The following TANC2 variants were observed in gnomAD, a reference collection of about 807,000 sequenced individuals.
TANC2 encodes the protein protein TANC2.
Under a neutral mutation model 210.5 loss-of-function variants are expected in TANC2, and 26 were observed. The ratio of observed to expected loss-of-function variants is 0.12; its 90% CI spans 0.09 to 0.17. The LOEUF (loss-of-function observed/expected upper bound fraction) is 0.17, where lower values mean the gene tolerates loss of function less well. TANC2 is among the 10% of genes least tolerant of loss of function. The probability of loss-of-function intolerance (pLI) is 1.00; values close to 1 mark genes in which losing one functional copy is unlikely to be tolerated. For synonymous variants in TANC2, 931 were observed against 967.1 expected (o/e 0.96, Z 0.69); for missense variants, 2,129 against 2,608.9 (o/e 0.82, Z 4.01).
intron 2 of TANC2, among the ~76,000 whole-genome samples, chr17:63,020,719 A>G (rs2034311255): frequency 6.6e-6 from 1 of 152,218 alleles, no homozygotes; most frequent in Non-Finnish European, 1.5e-5. Context: ...GTATTAGTCC[A>G]TTTTGTATTG....
intron 9 of TANC2, among the ~76,000 whole-genome samples, chr17:63,293,568 A>G (rs1281158140): frequency 6.6e-6 from 1 of 152,178 alleles, no homozygotes; most frequent in Admixed American, 6.5e-5. Context: ...TTCCATGAAT[A>G]AATATGCATT....
chr17:63,133,364 C>G (rs1347786989), intron 4 of TANC2, among the ~76,000 whole-genome samples: 2 of 152,234 alleles, frequency 1.3e-5, no homozygotes, highest in African/African-American at 4.8e-5. Flanking sequence ...CTCTGCCTCC[C>G]ACAGTGCTGG....
At chr17:63,344,907 C>T (rs988748790) in intron 12 of TANC2, among the ~76,000 whole-genome samples, 1 of 152,180 alleles carries the variant, frequency 6.6e-6, no homozygotes, top group Admixed American at 6.5e-5. Flanking sequence ...CACCAAACCA[C>T]TTGCTTTGGG....
intron 4 of TANC2, chr17:63,149,104 T>C (rs2039559371): frequency 6.6e-6 from 1 of 152,144 alleles, no homozygotes; most frequent in South Asian, 2.1e-4. Context: ...AGTTGGAATT[T>C]CCTGAGAAGG....
chr17:63,017,767 C>A (rs953931722), intron 2 of TANC2, among the ~76,000 whole-genome samples: 4 of 152,136 alleles, frequency 2.6e-5, no homozygotes, highest in African/African-American at 9.7e-5. Context: ...TACTAAACCT[C>A]AAATTGGTTA....
intron 5 of TANC2, among the ~76,000 whole-genome samples, chr17:63,159,618 T>C (rs1370297868): frequency 6.6e-6 from 1 of 152,302 alleles, no homozygotes; most frequent in Non-Finnish European, 1.5e-5. Context: ...TAAAAACTAA[T>C]ACAAACAATA....
At chr17:63,189,046 T>C (rs1038517552) in intron 5 of TANC2, among the ~76,000 whole-genome samples, 1 of 152,214 alleles carries the variant, frequency 6.6e-6, no homozygotes, top group Non-Finnish European at 1.5e-5. Context: ...TAGTCTTTTG[T>C]GTCTGATTTT....
intron 5 of TANC2, among the ~76,000 whole-genome samples, chr17:63,171,092 T>C (rs2040390633): frequency 6.9e-6 from 1 of 144,096 alleles, no homozygotes; most frequent in East Asian, 2.0e-4. Flanking sequence ...TTTTTTTTTT[T>C]TTTTTTTTTT....
chr17:63,216,196 G>C (rs143687524), intron 7 of TANC2, among the ~76,000 whole-genome samples: 1 of 152,004 alleles, frequency 6.6e-6, no homozygotes, highest in African/African-American at 2.4e-5. Context: ...TCACAGGCAC[G>C]TGCCATAACA....
intron 6 of TANC2, among the ~76,000 whole-genome samples, chr17:63,194,841 T>C (rs2041291432): frequency 6.6e-6 from 1 of 150,996 alleles, no homozygotes; most frequent in African/African-American, 2.5e-5. Flanking sequence ...AAAAAATATT[T>C]TATAGTTTTC....
At chr17:63,041,337 G>C (rs2035178459) in intron 2 of TANC2, among the ~76,000 whole-genome samples, 1 of 152,168 alleles carries the variant, frequency 6.6e-6, no homozygotes, top group East Asian at 1.9e-4. Flanking sequence ...ATGTTTCATG[G>C]ATCTAAAATG....
At chr17:63,240,097 T>C (rs2042733715) in intron 8 of TANC2, among the ~76,000 whole-genome samples, 2 of 152,216 alleles carry the variant, frequency 1.3e-5, no homozygotes, top group South Asian at 4.1e-4. Context: ...AACTGTACAT[T>C]ATGAAAAGTT....
chr17:63,369,472 C>T (rs2047200920), intron 14 of TANC2, among the ~76,000 whole-genome samples: 1 of 151,792 alleles, frequency 6.6e-6, no homozygotes, highest in Non-Finnish European at 1.5e-5. Context: ...ATTACTGTCA[C>T]GGGACACAAG....
At chr17:63,037,634 T>G (rs2035025100) in intron 2 of TANC2, among the ~76,000 whole-genome samples, 1 of 151,946 alleles carries the variant, frequency 6.6e-6, no homozygotes, top group Non-Finnish European at 1.5e-5. Context: ...GCCAACATGG[T>G]AAAACCCTGT....
intron 11 of TANC2, among the ~76,000 whole-genome samples, chr17:63,324,532 A>G (rs2045587495): frequency 6.6e-6 from 1 of 152,216 alleles, no homozygotes; most frequent in Non-Finnish European, 1.5e-5. Flanking sequence ...AATGAAGAAT[A>G]AGATTTTATT....
intron 4 of TANC2, among the ~76,000 whole-genome samples, chr17:63,118,340 C>T (rs998288382): frequency 1.3e-5 from 2 of 151,696 alleles, no homozygotes; most frequent in Admixed American, 1.3e-4. Context: ...AGAAATTTAC[C>T]TTTGTTTACT....
rs771906172 is a variant in TANC2 at position 63,045,971 on chromosome 17, A to G, written c.68-27972A>G. The stretch of plus-strand genomic sequence containing the variant: ...CTTTATTCTTTGATTAAATATTTCT[A>G]TATTCTATTTGGTCATAATGATTCT... On this transcript the variant is annotated intron_variant, in intron 2 of 27. Transcript: ENST00000689528. Among the ~76,000 whole-genome samples, 16 of 151,992 alleles carry G rather than the reference A, an allele frequency of 1.1e-4. No homozygotes were observed. In the East Asian group the frequency reaches 1.5e-3, roughly 15 times the overall value.
chr17:63,041,093 A>G (rs946726083), intron 2 of TANC2, among the ~76,000 whole-genome samples: 3 of 152,188 alleles, frequency 2.0e-5, no homozygotes, highest in African/African-American at 7.2e-5. Flanking sequence ...ATAAGGATTC[A>G]GCACTAATCC....
chr17:63,218,200 C>A (rs1264503097), intron 7 of TANC2, among the ~76,000 whole-genome samples: 1 of 151,360 alleles, frequency 6.6e-6, no homozygotes, highest in Non-Finnish European at 1.5e-5. Context: ...CCCAGGAGTT[C>A]GAGGCTGCAG....
Sources: allele counts gnomAD v4.1 joint callset (sites outside exome capture counted in the v4.1 genomes callset), GRCh38; gene constraint gnomAD v4.1.1; transcripts MANE v1.5; gene names NCBI Gene and HGNC (gene_info 2026-07-23, HGNC 2026-07-21).